ABCA13: variants seen among roughly 807,000 people sequenced by gnomAD.
The protein encoded by ABCA13 is ATP-binding cassette sub-family A member 13.
ABCA13 carries 476 observed loss-of-function variants against 478.7 expected under a neutral mutation model. The observed-to-expected ratio is 0.99, with a 90% CI of 0.92 to 1.07. The LOEUF is 1.07. Ranked by LOEUF, ABCA13 falls within the 50% of genes least tolerant of loss-of-function variation. The pLI, the probability that ABCA13 is intolerant of heterozygous loss-of-function variation, is 0.00. For synonymous variants in ABCA13, 2,252 were observed against 2,158.9 expected, an observed-to-expected ratio of 1.04 and a Z score of -1.20; for missense variants, 6,060 against 5,910.6, an observed-to-expected ratio of 1.03 and a Z score of -0.83.
At chr7:48,628,787 A>G (rs1793897218) in intron 59 of ABCA13, among the ~76,000 whole-genome samples, 2 of 152,234 alleles carry the variant, frequency 1.3e-5, no homozygotes, top group Admixed American at 6.5e-5. Flanking sequence ...TGTTGAACAA[A>G]TGAATGAATG....
Position 48,427,771 on chromosome 7 carries a change from T to C in ABCA13, c.12465T>C (p.Phe4155=). Residue 4155 remains phenylalanine, a synonymous_variant, in exon 42 of 62, where the codon TTT becomes TTC. Transcript: ENST00000435803. The part of the protein sequence containing the change: ...GISDTTLEEV[F]LMLLQDSNKK... ...CGTTTTTTTTTCTCCGAAAGGTGTT[T>C]TTGATGCTTTTGCAAGATTCCAACA... 5 of 1,612,756 alleles carry C rather than the reference T, an allele frequency of 3.1e-6. No homozygotes were observed. The highest frequency in any genetic ancestry group is 4.2e-6 in the Non-Finnish European group (5 of 1,179,066).
At chr7:48,242,691 G>A (rs550826458) in intron 10 of ABCA13, among the ~76,000 whole-genome samples, 2 of 152,078 alleles carry the variant, frequency 1.3e-5, no homozygotes, top group Admixed American at 6.6e-5. Context: ...TGCCCTCCTC[G>A]GCCTCCCAAA....
In ABCA13 at chr7:48,278,359, G is replaced by T; in HGVS notation, c.7165G>T (p.Val2389Leu). Residue 2389 changes from valine (V) to leucine (L), a missense_variant, in exon 18 of 62, where the codon GTG becomes TTG. Physicochemically the swap from Val to Leu is conservative, Grantham distance 32. This residue lies in a region of ABCA13 where 4,423 missense variants were observed against 4,309.1 expected (regional missense o/e 1.03). Coordinates refer to ENST00000435803, the MANE Select transcript of ABCA13 (RefSeq NM_152701.5). ...AAATAATATAGACTTTTTCACAGTG[G>T]TGAGTCAGTTGTTTTTCCATGTGAA... ...TENNIDFFTV[V>L]SQLFFHVNKS... 6.2e-7 allele frequency: 1 copy of T among 1,613,662 alleles called. No homozygotes were observed. Among genetic ancestry groups the T allele is most frequent in the Non-Finnish European group, 8.5e-7 (1 of 1,179,760 alleles).
chr7:48,387,863 G>A lies in ABCA13; in HGVS notation c.11377G>A (p.Ala3793Thr). The A allele has an allele frequency of 1.9e-6, 3 of 1,607,838 alleles. No individual in the cohort carries two copies. The highest frequency in any genetic ancestry group is 2.5e-6 in the Non-Finnish European group (3 of 1,177,400). ...GAAACCATGGTATTTCCCCTTTACTGCCTCATATTGGAAGAGTGTGGGTTT... is the reference window on the plus strand; with the variant it reads ...GAAACCATGGTATTTCCCCTTTACTACCTCATATTGGAAGAGTGTGGGTTT... ...LRKPWYFPFT[A>T]SYWKSVGFLV... The change falls in exon 36 of 62, where the codon GCC (alanine) becomes ACC (threonine). Residue 3793 changes from alanine to threonine, a missense_variant. Physicochemically the swap from Ala to Thr is moderately conservative, Grantham distance 58. This residue lies in a region of ABCA13 where 1,627 missense variants were observed against 1,571.0 expected (regional missense o/e 1.04). Transcript: ENST00000435803.
rs567125823 is a variant in ABCA13 at position 48,457,634 on chromosome 7, G to C, written c.12815+2348G>C. Among the ~76,000 whole-genome samples the C allele has an allele frequency of 7.9e-5, 12 of 152,186 alleles. No homozygotes were observed. The South Asian group carries it at 2.3e-3, about 29-fold the overall frequency. On this transcript the variant is annotated intron_variant, in intron 43 of 61. Transcript: ENST00000435803. ...CTATTTTAAATTGAGATATTGGTTTGTTCTCATTTTTCATAATGTTACTTA... is the reference window on the plus strand; with the variant it reads ...CTATTTTAAATTGAGATATTGGTTTCTTCTCATTTTTCATAATGTTACTTA...
intron 47 of ABCA13, among the ~76,000 whole-genome samples, chr7:48,487,435 C>A (rs1303657364): frequency 6.6e-6 from 1 of 151,812 alleles, no homozygotes; most frequent in Non-Finnish European, 1.5e-5. Flanking sequence ...TCCATTCAGC[C>A]AAAGAAGCTC....
chr7:48,247,283 A>G (rs1791842829), intron 13 of ABCA13, among the ~76,000 whole-genome samples: 1 of 152,126 alleles, frequency 6.6e-6, no homozygotes, highest in Non-Finnish European at 1.5e-5. Flanking sequence ...ATGTGAATGC[A>G]TGCAGGCACA....
chr7:48,389,904 G>T (rs1815779705), intron 37 of ABCA13, among the ~76,000 whole-genome samples: 1 of 152,178 alleles, frequency 6.6e-6, no homozygotes, highest in Non-Finnish European at 1.5e-5. Flanking sequence ...ATTAAAGTGT[G>T]ATTAGTTAAA....
chr7:48,335,504 G>A lies in ABCA13; in HGVS notation c.10082G>A (p.Ser3361Asn), dbSNP rs755893542. 16 of 1,613,594 alleles carry A rather than the reference G, an allele frequency of 9.9e-6. No individual in the cohort carries two copies. Among genetic ancestry groups the A allele is most frequent in the South Asian group, 6.6e-5 (6 of 91,028 alleles). ...LLEMSSLFQRSGSGQMFNQLQ... is the reference protein window; with the variant it reads ...LLEMSSLFQRNGSGQMFNQLQ... Reference sequence around the variant, plus strand: ...GAAATGTCCAGCCTTTTCCAGAGAAGTGGAAGTGGCCAGATGTTCAACCAG... The same window carrying A: ...GAAATGTCCAGCCTTTTCCAGAGAAATGGAAGTGGCCAGATGTTCAACCAG... Residue 3361 changes from serine (S) to asparagine (N), a missense_variant, in exon 28 of 62, where the codon AGT becomes AAT. By Grantham distance (46) the Ser-to-Asn change is conservative. Coordinates refer to ENST00000435803, the MANE Select transcript of ABCA13 (RefSeq NM_152701.5).
rs534937794 is a variant in ABCA13 at position 48,429,688 on chromosome 7, G to T, written c.12565+1817G>T. Among the ~76,000 whole-genome samples the T allele has an allele frequency of 4.6e-5, 7 of 152,290 alleles. No homozygotes were observed. In the East Asian group the frequency reaches 1.3e-3, roughly 29 times the overall value. ...GGAATTGTGTGAGTTAAGTGGAATGGTAACTAGGTTTTCATAAATGCCGTT... is the reference window on the plus strand; with the variant it reads ...GGAATTGTGTGAGTTAAGTGGAATGTTAACTAGGTTTTCATAAATGCCGTT... On this transcript the variant is annotated intron_variant, in intron 42 of 61. Transcript: ENST00000435803.
At position 48,532,208 on chromosome 7, in the gene ABCA13, A is replaced by C. The variant is rs112924387; in HGVS notation, c.14354+3863A>C. Among the ~76,000 whole-genome samples the C allele has an allele frequency of 6.2e-3, 943 of 152,122 alleles. 9 individuals carry two copies. Among genetic ancestry groups the C allele is most frequent in the African/African-American group, 0.022 (897 of 41,538 alleles). On this transcript the variant is annotated intron_variant, in intron 55 of 61. Coordinates refer to ENST00000435803, the MANE Select transcript of ABCA13 (RefSeq NM_152701.5). ...ATTTTGCTGAGGGTTTTAATCATAAAGAATGCTGGATTATGTCAAATGCTT... is the reference window on the plus strand; with the variant it reads ...ATTTTGCTGAGGGTTTTAATCATAACGAATGCTGGATTATGTCAAATGCTT...
intron 38 of ABCA13, among the ~76,000 whole-genome samples, chr7:48,396,340 G>A (rs1585144206): frequency 6.6e-6 from 1 of 152,232 alleles, no homozygotes; most frequent in East Asian, 1.9e-4. Flanking sequence ...TATAAAGGAG[G>A]ACTTTCATTT....
In ABCA13 at chr7:48,520,115, G is replaced by A. The variant is rs749395628; in HGVS notation, c.13872G>A (p.Leu4624=). 5.6e-6 allele frequency: 9 copies of A among 1,613,544 alleles called. No homozygotes were observed. The South Asian group carries it at 8.8e-5, about 16-fold the overall frequency. The change falls in exon 53 of 62, where the codon CTG becomes CTA. Residue 4624 remains leucine, a synonymous_variant. Coordinates refer to ENST00000435803, the MANE Select transcript of ABCA13 (RefSeq NM_152701.5). ...IFPQFCLGQG[L]VELCYNQIKY... ...CTCAATTCTGTCTTGGTCAAGGACT[G>A]GTAGAACTCTGCTATAATCAGATCA... is the stretch of plus-strand genomic sequence containing the variant.
chr7:48,602,608 G>A (rs572383608), intron 58 of ABCA13, among the ~76,000 whole-genome samples: 2 of 152,284 alleles, frequency 1.3e-5, no homozygotes, highest in South Asian at 2.1e-4. Flanking sequence ...CCAGTACCAT[G>A]CTGTTTCTGT....
intron 32 of ABCA13, 58 bp downstream of exon 32, chr7:48,367,966 A>G: frequency 7.3e-7 from 1 of 1,376,282 alleles, no homozygotes; most frequent in South Asian, 1.3e-5. Context: ...GGACTTTGGA[A>G]ATGGATCTTG....
Position 48,229,026 on chromosome 7 carries a change from A to G in ABCA13, c.633-799A>G, listed in dbSNP as rs146957845. On this transcript the variant is annotated intron_variant, in intron 6 of 61. Coordinates refer to ENST00000435803, the MANE Select transcript of ABCA13 (RefSeq NM_152701.5). ...TTGCAAGTGGTACCAGGTTTCAGTGATATATCTTATAATCCTGGGATACGC... is the reference window on the plus strand; with the variant it reads ...TTGCAAGTGGTACCAGGTTTCAGTGGTATATCTTATAATCCTGGGATACGC... 3.6e-3 allele frequency among the ~76,000 whole-genome samples: 552 copies of G among 152,280 alleles called. 3 individuals are homozygous for G. The highest frequency in any genetic ancestry group is 0.013 in the African/African-American group (529 of 41,550).
At chr7:48,174,707 AC>A (rs1230766507) in intron 1 of ABCA13, among the ~76,000 whole-genome samples, 2 of 152,118 alleles carry the variant, frequency 1.3e-5, no homozygotes, top group Non-Finnish European at 2.9e-5. Flanking sequence ...ATCCTAATTA[AC>A]TTTTGTGGTC....
chr7:48,635,717 C>T (rs1230764787), intron 59 of ABCA13, among the ~76,000 whole-genome samples: 2 of 152,164 alleles, frequency 1.3e-5, no homozygotes, highest in Non-Finnish European at 2.9e-5. Context: ...GCCCTGTGTT[C>T]TTGGATGCAG....
At chr7:48,540,010 TTTA>T (rs1833851623) in intron 55 of ABCA13, among the ~76,000 whole-genome samples, 1 of 152,056 alleles carries the variant, frequency 6.6e-6, no homozygotes, top group Admixed American at 6.6e-5. Flanking sequence ...GTAGAGAAAA[TTTA>T]TTAGTTGAGC....
Sources: gnomAD v4.1 joint callset for allele counts (sites outside exome capture counted in the v4.1 genomes callset) on GRCh38, gnomAD v4.1.1 for gene constraint, gnomAD v4.1.1 regional missense constraint, MANE v1.5 for transcripts, NCBI Gene and HGNC (gene_info 2026-07-23, HGNC 2026-07-21) for gene names.